The following OSBP2 variants were observed in gnomAD, a reference collection of about 807,000 sequenced individuals.
OSBP2 encodes the protein oxysterol-binding protein 2.
In OSBP2, 66 loss-of-function variants were observed where a neutral mutation model predicts 96.0. That is an observed-to-expected ratio of 0.69 (90% CI 0.56 to 0.84). The LOEUF (loss-of-function observed/expected upper bound fraction) is 0.84. Ranked by LOEUF, OSBP2 falls within the 40% of genes least tolerant of loss-of-function variation. The pLI is 0.00. For synonymous variants in OSBP2, 525 were observed against 520.9 expected (o/e 1.01, Z -0.11); for missense variants, 1,038 against 1,222.7 (o/e 0.85, Z 2.25).
rs1345938317 is a variant in OSBP2 at position 30,906,715 on chromosome 22, G to A, written c.*376G>A. The stretch of plus-strand genomic sequence containing the variant: ...CTAGGGAGCCTCTTCGACTTTTTTA[G>A]AAAAATGATCTCCATTTCTTTCCAG... On this transcript the variant is annotated 3_prime_UTR_variant, in exon 14 of 14. Coordinates refer to ENST00000332585, the MANE Select transcript of OSBP2 (RefSeq NM_030758.4). 3 of 184,822 alleles carry A rather than the reference G, an allele frequency of 1.6e-5. No individual in the cohort carries two copies. The highest frequency in any genetic ancestry group is 7.0e-5 in the African/African-American group (3 of 42,706). The allele number at this position is 184,822 out of a possible 1,614,324, so 11.4% of individuals were successfully genotyped here. A position where few individuals can be genotyped will look rare whatever the true frequency, so the allele number is the denominator to read the frequency against.
chr22:30,835,428 A>C (rs959542017), intron 2 of OSBP2, among the ~76,000 whole-genome samples: 2 of 152,150 alleles, frequency 1.3e-5, no homozygotes, highest in Non-Finnish European at 2.9e-5. Context: ...CTTGTTGAAA[A>C]TCAGTCAACC....
chr22:30,703,453 C>T (rs960972297), intron 1 of OSBP2, among the ~76,000 whole-genome samples: 8 of 148,656 alleles, frequency 5.4e-5, no homozygotes, highest in African/African-American at 1.2e-4. Flanking sequence ...GGATTATAGG[C>T]GTAAGCCACC....
chr22:30,804,825 G>A (rs2090904670), intron 2 of OSBP2, among the ~76,000 whole-genome samples: 1 of 152,180 alleles, frequency 6.6e-6, no homozygotes, highest in South Asian at 2.1e-4. Context: ...ACTCATGACT[G>A]TACTTTGACA....
At chr22:30,796,922 C>T (rs975708142) in intron 2 of OSBP2, among the ~76,000 whole-genome samples, 5 of 152,210 alleles carry the variant, frequency 3.3e-5, no homozygotes, top group Non-Finnish European at 5.9e-5. Flanking sequence ...GCATCCATGA[C>T]CAGCAATAAT....
chr22:30,761,721 A>G (rs931325400), intron 2 of OSBP2, among the ~76,000 whole-genome samples: 1 of 152,244 alleles, frequency 6.6e-6, no homozygotes, highest in Admixed American at 6.5e-5. Flanking sequence ...GGCAAACACT[A>G]TATAGATTAA....
intron 2 of OSBP2, among the ~76,000 whole-genome samples, chr22:30,830,354 G>C (rs1206429841): frequency 6.6e-6 from 1 of 152,220 alleles, no homozygotes; most frequent in Non-Finnish European, 1.5e-5. Context: ...GGCGGAAGGA[G>C]GCCACAGACT....
chr22:30,694,588 T>A (rs1353769687), upstream of OSBP2, among the ~76,000 whole-genome samples: 2 of 145,218 alleles, frequency 1.4e-5, no homozygotes, highest in East Asian at 4.1e-4. Flanking sequence ...CTGGCACGGC[T>A]GGGCCGAAGC....
In OSBP2 at chr22:30,890,689, G is replaced by T. The variant is rs1479445754; in HGVS notation, c.1624-39G>T. ...AGCAAGGGCACCATGCCAAGCCGGG[G>T]CTGGTGCCCAGCCTGACCACCCACC... On this transcript the variant is annotated intron_variant, in intron 7 of 13. Coordinates refer to ENST00000332585, the MANE Select transcript of OSBP2 (RefSeq NM_030758.4). The surrounding 1 kb of genome is among the most constrained non-coding windows in gnomAD (Gnocchi z 4.4). The T allele has an allele frequency of 6.2e-7, 1 of 1,602,390 alleles. No individual in the cohort carries two copies. The highest frequency in any genetic ancestry group is 1.3e-5 in the African/African-American group (1 of 74,930).
At chr22:30,725,419 G>C (rs938845463) in intron 1 of OSBP2, among the ~76,000 whole-genome samples, 4 of 151,896 alleles carry the variant, frequency 2.6e-5, no homozygotes, top group Non-Finnish European at 5.9e-5. Context: ...GCTGAAGCAT[G>C]AGAATCACTT....
chr22:30,761,441 C>G (rs1164484221), intron 2 of OSBP2, among the ~76,000 whole-genome samples: 1 of 151,638 alleles, frequency 6.6e-6, no homozygotes, highest in Non-Finnish European at 1.5e-5. Context: ...AATAGAAGAC[C>G]AAAATAAATG....
intron 3 of OSBP2, among the ~76,000 whole-genome samples, chr22:30,875,794 A>G (rs1293284238): frequency 1.3e-5 from 2 of 152,164 alleles, no homozygotes; most frequent in Non-Finnish European, 2.9e-5. Context: ...CCCCTCTCTC[A>G]TCACACAGCT....
chr22:30,741,121 A>T, intron 1 of OSBP2, 40 bp from the exon 2 acceptor site: 1 of 1,507,266 alleles, frequency 6.6e-7, no homozygotes, highest in Non-Finnish European at 9.2e-7. Flanking sequence ...AGCCATTGAG[A>T]TTAGGAGCCT....
intron 6 of OSBP2, 56 bp from the exon 7 acceptor site, chr22:30,889,434 C>G: frequency 6.2e-7 from 1 of 1,603,908 alleles, no homozygotes; most frequent in South Asian, 1.1e-5. Flanking sequence ...AACTTGGAAG[C>G]CAAGGGGGCG....
intron 2 of OSBP2, among the ~76,000 whole-genome samples, chr22:30,820,563 A>C (rs1343510887): frequency 1.3e-5 from 2 of 152,154 alleles, no homozygotes; most frequent in African/African-American, 2.4e-5. Context: ...GGTCAGCCAG[A>C]CCAGGCCAGT....
At chr22:30,824,824 C>A (rs1161978741) in intron 2 of OSBP2, among the ~76,000 whole-genome samples, 1 of 152,138 alleles carries the variant, frequency 6.6e-6, no homozygotes, top group African/African-American at 2.4e-5. Context: ...GGGATGAGGT[C>A]CAGGCGGTGC....
chr22:30,846,118 GATCAT>G (rs2038865480), intron 2 of OSBP2, among the ~76,000 whole-genome samples: 3 of 152,018 alleles, frequency 2.0e-5, no homozygotes, highest in African/African-American at 7.2e-5. Context: ...TTTCTAAAGT[GATCAT>G]ATCATTTTAT....
chr22:30,870,503 T>C lies in OSBP2; in HGVS notation c.928T>C (p.Ser310Pro), dbSNP rs1355764405. Residue 310 changes from serine to proline, a missense_variant, in exon 3 of 14, where the codon TCC becomes CCC. Coordinates refer to ENST00000332585, the MANE Select transcript of OSBP2 (RefSeq NM_030758.4). This position sits in a 1 kb window ranked among gnomAD's most constrained non-coding sequence, Gnocchi z 4.1. ...SELHHTLKNL[S>P]LKLDDLSTCN... is the part of the protein sequence containing the mutation. The stretch of plus-strand genomic sequence containing the variant: ...GCTGCACCACACCCTGAAGAATCTT[T>C]CCCTGAAGTTAGATGACCTCAGCAC... The C allele has an allele frequency of 6.2e-7, 1 of 1,613,990 alleles. No individual in the cohort carries two copies. Among genetic ancestry groups the C allele is most frequent in the Admixed American group, 1.7e-5 (1 of 60,016 alleles).
intron 1 of OSBP2, among the ~76,000 whole-genome samples, chr22:30,696,556 A>G (rs2089040363): frequency 6.6e-6 from 1 of 152,170 alleles, no homozygotes. Context: ...GCTGCACACA[A>G]AAGGACCTTG....
At chr22:30,747,998 C>T (rs2090026759) in intron 2 of OSBP2, among the ~76,000 whole-genome samples, 1 of 149,812 alleles carries the variant, frequency 6.7e-6, no homozygotes, top group Non-Finnish European at 1.5e-5. Flanking sequence ...TCTCCTGCCT[C>T]AGTCTGTAGC....
Sources: gnomAD v4.1 joint callset for allele counts (sites outside exome capture counted in the v4.1 genomes callset) on GRCh38, gnomAD v4.1.1 for gene constraint, Gnocchi (gnomAD v3.1) non-coding constraint, MANE v1.5 for transcripts, NCBI Gene and HGNC (gene_info 2026-07-23, HGNC 2026-07-21) for gene names.